LEO1: variants seen among roughly 807,000 people sequenced by gnomAD.
LEO1 encodes the protein RNA polymerase-associated protein LEO1.
In LEO1, 34 loss-of-function variants were observed where a neutral mutation model predicts 80.4. The ratio of observed to expected loss-of-function variants is 0.42; its 90% CI spans 0.32 to 0.56. The LOEUF is 0.56. LEO1 is among the 20% of genes least tolerant of loss of function. LEO1 has a pLI of 0.10. For missense variants in LEO1, 631 were observed against 814.2 expected (o/e 0.77, Z 2.74); for synonymous variants, 262 against 274.9 (o/e 0.95, Z 0.46).
intron 2 of LEO1, among the ~76,000 whole-genome samples, chr15:51,964,418 G>A (rs2057058320): frequency 6.6e-6 from 1 of 152,114 alleles, no homozygotes; most frequent in African/African-American, 2.4e-5. Context: ...GGGGCAGGGG[G>A]AGGGATAGCA....
intron 6 of LEO1, among the ~76,000 whole-genome samples, chr15:51,955,583 G>A (rs1346730395): frequency 6.6e-6 from 1 of 152,176 alleles, no homozygotes; most frequent in South Asian, 2.1e-4. Flanking sequence ...ACAATGAAGA[G>A]TAAAAACAGG....
rs775589226 is a variant in LEO1, at chr15:51,971,640, A to G, written c.58+48T>C. 5 of 1,595,860 alleles carry G rather than the reference A, an allele frequency of 3.1e-6. No individual in the cohort carries two copies. In the Admixed American group the frequency reaches 8.3e-5, roughly 27 times the overall value. On this transcript the variant is annotated intron_variant, in intron 1 of 11. Transcript: ENST00000299601. ...GCCTCCACGGTTGTCCGGCTCCCAC[A>G]GCGGAAGGCCTGCCACGCACCCATC...
chr15:51,961,839 A>T (rs948963951), intron 3 of LEO1, among the ~76,000 whole-genome samples: 1 of 151,822 alleles, frequency 6.6e-6, no homozygotes, highest in Admixed American at 6.6e-5. Context: ...CCCAATAAGA[A>T]GGTCAGCCCC....
intron 11 of LEO1, among the ~76,000 whole-genome samples, chr15:51,941,160 TC>T (rs1331372624): frequency 6.6e-6 from 1 of 152,108 alleles, no homozygotes; most frequent in African/African-American, 2.4e-5. Context: ...TTCCTCAGAC[TC>T]CCAGGACTTA....
At chr15:51,961,636 C>A (rs1319202725) in intron 3 of LEO1, among the ~76,000 whole-genome samples, 6 of 151,702 alleles carry the variant, frequency 4.0e-5, no homozygotes, top group Non-Finnish European at 8.8e-5. Flanking sequence ...TCAAGTGATC[C>A]ACCCACCTTG....
intron 1 of LEO1, among the ~76,000 whole-genome samples, chr15:51,967,835 A>G (rs1461418305): frequency 6.6e-6 from 1 of 152,256 alleles, no homozygotes; most frequent in Non-Finnish European, 1.5e-5. Context: ...AAGACAAAAG[A>G]AAACATAAAT....
Position 51,965,806 on chromosome 15 carries a change from C to T in LEO1, c.757G>A (p.Ala253Thr). Residue 253 changes from alanine (A) to threonine (T), a missense_variant, in exon 2 of 12, where the codon GCC (alanine) becomes ACC (threonine). Physicochemically the swap from Ala to Thr is moderately conservative, Grantham distance 58 (BLOSUM62 0). Around this residue, in one of 4 missense-constraint regions of LEO1, gnomAD observed 394 missense variants for 395.6 expected, o/e 1.00. Coordinates refer to ENST00000299601, the MANE Select transcript of LEO1 (RefSeq NM_138792.4). The part of the protein sequence containing the change: ...MQNSDDERPQ[A>T]SDEEHRHSDD... The stretch of plus-strand genomic sequence containing the variant: ...GAATGCCTGTGTTCTTCATCTGAGG[C>T]CTGTGGCCTTTCATCATCAGAATTT... 4 of 1,613,928 alleles carry T rather than the reference C, an allele frequency of 2.5e-6. No individual in the cohort carries two copies. Among genetic ancestry groups the T allele is most frequent in the Non-Finnish European group, 3.4e-6 (4 of 1,179,942 alleles).
rs192707683 is a variant in LEO1, at chr15:51,939,925, C to T, written c.1897-1665G>A. Among the ~76,000 whole-genome samples the T allele has an allele frequency of 5.3e-5, 8 of 152,300 alleles. No individual in the cohort carries two copies. The East Asian group carries it at 1.5e-3, about 29-fold the overall frequency. ...ACTGGCACCAGTCCTAATCCATCCT[C>T]TGGAGTAAGAAGCTGTGAAATTCTG... On this transcript the variant is annotated intron_variant, in intron 11 of 11. Transcript: ENST00000299601.
At chr15:51,960,772 T>C (rs374305152) in intron 3 of LEO1, 39 bp from the exon 4 acceptor site, 3 of 1,185,460 alleles carry the variant, frequency 2.5e-6, no homozygotes, top group East Asian at 2.3e-5. Flanking sequence ...TGTTACTATC[T>C]GTAACTAAGG....
intron 1 of LEO1, among the ~76,000 whole-genome samples, chr15:51,969,838 T>TAA (rs58342384): frequency 1.3e-3 from 113 of 89,942 alleles, no homozygotes; most frequent in Middle Eastern, 5.4e-3. Flanking sequence ...GAGACTCCGT[T>TAA]AAAAAAAAAA....
At chr15:51,957,028 T>G (rs753956616) in intron 6 of LEO1, among the ~76,000 whole-genome samples, 2 of 152,080 alleles carry the variant, frequency 1.3e-5, no homozygotes, top group Admixed American at 1.3e-4. Flanking sequence ...AAGGTCTTGC[T>G]CTGTTGCTCA....
chr15:51,946,299 C>T (rs1595932577), intron 11 of LEO1, among the ~76,000 whole-genome samples: 1 of 151,988 alleles, frequency 6.6e-6, no homozygotes, highest in South Asian at 2.1e-4. Flanking sequence ...AGGCAATTCT[C>T]CTGCCTCAGT....
At chr15:51,958,695 G>T in intron 6 of LEO1, 47 bp downstream of exon 6, 2 of 1,189,254 alleles carry the variant, frequency 1.7e-6, no homozygotes, top group Non-Finnish European at 1.2e-6. Flanking sequence ...AGTATCTCCA[G>T]GTTTTACTTT....
At position 51,971,749 on chromosome 15, in the gene LEO1, C is replaced by G. The variant is rs755876251; in HGVS notation, c.-4G>C. On this transcript the variant is annotated 5_prime_UTR_variant, in exon 1 of 12. Coordinates refer to ENST00000299601, the MANE Select transcript of LEO1 (RefSeq NM_138792.4). Reference sequence around the variant, plus strand: ...AGAGATCCTCCATATCCGCCATTATCGCTCACGTCCGCTGCTGCCTCGGTT... The same window carrying G: ...AGAGATCCTCCATATCCGCCATTATGGCTCACGTCCGCTGCTGCCTCGGTT... 9 of 1,614,138 alleles carry G rather than the reference C, an allele frequency of 5.6e-6. No homozygotes were observed. In the South Asian group the frequency reaches 9.9e-5, roughly 18 times the overall value.
intron 11 of LEO1, among the ~76,000 whole-genome samples, chr15:51,943,210 T>G (rs906776237): frequency 7.9e-5 from 12 of 151,000 alleles, no homozygotes; most frequent in African/African-American, 2.9e-4. Flanking sequence ...AAACCCCATG[T>G]CTACTAAAAA....
intron 1 of LEO1, among the ~76,000 whole-genome samples, chr15:51,969,453 G>A (rs575398476): frequency 6.6e-6 from 1 of 151,830 alleles, no homozygotes; most frequent in African/African-American, 2.4e-5. Flanking sequence ...TGGCCAAAAT[G>A]GCAAAACCTC....
At chr15:51,960,845 C>A in intron 3 of LEO1, 112 bp from the exon 4 acceptor site, 2 of 667,188 alleles carry the variant, frequency 3.0e-6, no homozygotes, top group South Asian at 3.6e-5. Flanking sequence ...AGAAAACCAC[C>A]AAAAACATAA....
intron 11 of LEO1, among the ~76,000 whole-genome samples, chr15:51,946,730 T>TG (rs1233007771): frequency 3.3e-5 from 5 of 152,014 alleles, no homozygotes; most frequent in Non-Finnish European, 5.9e-5. Context: ...TTTGGAGAGA[T>TG]GGGGTCTCCC....
intron 11 of LEO1, among the ~76,000 whole-genome samples, chr15:51,942,864 G>T (rs1160536903): frequency 1.3e-5 from 2 of 149,768 alleles, no homozygotes; most frequent in African/African-American, 4.9e-5. Context: ...GGAGGTTGCA[G>T]TGAGCCAAGA....
Sources: allele counts gnomAD v4.1 joint callset (sites outside exome capture counted in the v4.1 genomes callset), GRCh38; gene constraint gnomAD v4.1.1; regional missense constraint gnomAD v4.1.1; transcripts MANE v1.5; gene names NCBI Gene and HGNC (gene_info 2026-07-23, HGNC 2026-07-21).